Variants in WDFY4 observed in about 807,000 individuals in gnomAD.
WDFY4 encodes WD repeat- and FYVE domain-containing protein 4.
Under a neutral mutation model 351.9 loss-of-function variants are expected in WDFY4, and 169 were observed. The observed-to-expected ratio is 0.48, with a 90% CI of 0.42 to 0.55. WDFY4 has a LOEUF of 0.55. Ranked by LOEUF, WDFY4 falls within the 20% of genes least tolerant of loss-of-function variation. The pLI, the probability that WDFY4 is intolerant of heterozygous loss-of-function variation, is 0.00. For missense variants in WDFY4, 3,803 were observed against 3,935.6 expected (o/e 0.97, Z 0.90); for synonymous variants, 1,622 against 1,574.6 (o/e 1.03, Z -0.71).
intron 5 of WDFY4, 96 bp from the exon 6 acceptor site, chr10:48,725,785 G>A: frequency 8.1e-7 from 1 of 1,228,736 alleles, no homozygotes. Context: ...ACAGAGACAT[G>A]CTCATCAGTG....
intron 39 of WDFY4, among the ~76,000 whole-genome samples, chr10:48,852,323 G>T (rs1482576424): frequency 1.3e-5 from 2 of 152,114 alleles, no homozygotes; most frequent in African/African-American, 4.8e-5. Context: ...ATCCTCACTT[G>T]GCCTCGATAT....
Position 48,743,139 on chromosome 10 carries a change from A to G in WDFY4, c.2050A>G (p.Thr684Ala). Residue 684 changes from threonine (T) to alanine (A), a missense_variant, in exon 12 of 62, where the codon ACT becomes GCT. Thr to Ala is a moderately conservative substitution (Grantham distance 58). Around this residue, in one of 3 missense-constraint regions of WDFY4, gnomAD observed 3,054 missense variants for 3,148.6 expected, o/e 0.97. Transcript: ENST00000325239. ...ACAGACCCTGGAGCTGGTTTTGTAC[A>G]CTCTCTGTGCTGTGTCCGCAGCGCT... is the stretch of plus-strand genomic sequence containing the variant. Reference protein sequence around the residue: ...PRQTLELVLYTLCAVSAALHW... With the variant: ...PRQTLELVLYALCAVSAALHW... 1 of 1,551,034 alleles carries G rather than the reference A, an allele frequency of 6.4e-7. No homozygotes were observed. Among genetic ancestry groups the G allele is most frequent in the Non-Finnish European group, 8.7e-7 (1 of 1,146,858 alleles).
intron 1 of WDFY4, among the ~76,000 whole-genome samples, chr10:48,692,878 C>T (rs529304752): frequency 6.6e-6 from 1 of 152,318 alleles, no homozygotes; most frequent in South Asian, 2.1e-4. Flanking sequence ...CTGTCGCCTG[C>T]TGGTGATGGC....
chr10:48,893,457 C>G lies in WDFY4; in HGVS notation c.7316+2730C>G, dbSNP rs1342447863. Among the ~76,000 whole-genome samples, 9 of 152,222 alleles carry G rather than the reference C, an allele frequency of 5.9e-5. No homozygotes were observed. The South Asian group carries it at 1.9e-3, about 31-fold the overall frequency. On this transcript the variant is annotated intron_variant, in intron 44 of 61. Transcript: ENST00000325239. ...AGAATTTGATTAACTTAGTGGGAAC[C>G]TAAGTCATCCAACAGGCTCTTTGTG...
rs1371078221 is a variant in WDFY4 at position 48,978,332 on chromosome 10, G to A, written c.9315G>A (p.Lys3105=). 2 of 1,551,346 alleles carry A rather than the reference G, an allele frequency of 1.3e-6. No homozygotes were observed. The highest frequency in any genetic ancestry group is 8.7e-7 in the Non-Finnish European group (1 of 1,146,898). ...AGGTTTGGAAGACTGAGGATGTGAA[G>A]ATGTCTGTTCCTGGACGGCCAGCAG... The part of the protein sequence containing the change: ...MVRVWKTEDV[K]MSVPGRPAGE... Residue 3105 remains lysine, a synonymous_variant, in exon 60 of 62, where the codon AAG becomes AAA. Transcript: ENST00000325239.
At chr10:48,902,342 C>T (rs1053097596) in intron 47 of WDFY4, among the ~76,000 whole-genome samples, 3 of 152,076 alleles carry the variant, frequency 2.0e-5, no homozygotes, top group Admixed American at 6.5e-5. Context: ...TGCTTGCAGT[C>T]CCCCCCGCCG....
chr10:48,969,103 G>T lies in WDFY4; in HGVS notation c.8624G>T (p.Gly2875Val), dbSNP rs769484125. 1.9e-6 allele frequency: 3 copies of T among 1,551,736 alleles called. No homozygotes were observed. Among genetic ancestry groups the T allele is most frequent in the Non-Finnish European group, 2.6e-6 (3 of 1,146,962 alleles). ...LFSLGSESPKGAIGHIVSTEK... is the reference protein window; with the variant it reads ...LFSLGSESPKVAIGHIVSTEK... ...TCTCTAGGCTCAGAGTCCCCCAAAGGGGCCATTGGCCACATTGTCTCTACT... is the reference window on the plus strand; with the variant it reads ...TCTCTAGGCTCAGAGTCCCCCAAAGTGGCCATTGGCCACATTGTCTCTACT... The change falls in exon 56 of 62, where the codon GGG becomes GTG. Residue 2875 changes from glycine to valine, a missense_variant. Gly to Val is a moderately radical substitution (Grantham distance 109, BLOSUM62 -3). Coordinates refer to ENST00000325239, the MANE Select transcript of WDFY4 (RefSeq NM_001394531.1).
chr10:48,811,630 C>A lies in WDFY4; in HGVS notation c.5136C>A (p.Val1712=), dbSNP rs182756502. 1,316 of 1,551,956 alleles carry A rather than the reference C, an allele frequency of 8.5e-4. 17 individuals carry two copies. In the African/African-American group the frequency reaches 0.016, roughly 19 times the overall value. The part of the protein sequence containing the change: ...RVLNDFLAHH[V]HIPEVYLIVS... Reference sequence around the variant, plus strand: ...TGAATGACTTTCTGGCCCACCACGTCCACATTCCAGAGGTCTACCTCATCG... The same window carrying A: ...TGAATGACTTTCTGGCCCACCACGTACACATTCCAGAGGTCTACCTCATCG... Residue 1712 remains valine (V), a synonymous_variant, in exon 30 of 62, where the codon GTC becomes GTA. Transcript: ENST00000325239.
At chr10:48,846,967 G>A (rs995262288) in intron 39 of WDFY4, among the ~76,000 whole-genome samples, 1 of 152,220 alleles carries the variant, frequency 6.6e-6, no homozygotes, top group African/African-American at 2.4e-5. Flanking sequence ...TTTGAAATCT[G>A]TCAGTTTTGG....
Position 48,832,815 on chromosome 10 carries a change from C to T in WDFY4, c.6663+106C>T, listed in dbSNP as rs965877925. On this transcript the variant is annotated intron_variant, in intron 39 of 61. Coordinates refer to ENST00000325239, the MANE Select transcript of WDFY4 (RefSeq NM_001394531.1). ...TGTTACTAGACATGATCTAACTCCA[C>T]GTCCTTGTGAGCATTTGAGGGTATG... 9.6e-6 allele frequency: 13 copies of T among 1,359,634 alleles called. No homozygotes were observed. In the East Asian group the frequency reaches 3.0e-4, roughly 31 times the overall value. 84.2% of individuals were successfully genotyped at this position (1,359,634 alleles called of 1,614,324 possible). A position where few individuals can be genotyped will look rare whatever the true frequency, so the allele number is the denominator to read the frequency against.
chr10:48,852,668 C>T (rs75860568), intron 39 of WDFY4, among the ~76,000 whole-genome samples: 14 of 152,224 alleles, frequency 9.2e-5, no homozygotes, highest in East Asian at 3.9e-4. Flanking sequence ...TCTCACTCTC[C>T]GTGCACCAGC....
chr10:48,923,506 A>ATATATGTATGTATG lies in WDFY4; in HGVS notation c.7587-18295_7587-18294insGTATGTATGTATAT, dbSNP rs1554812693. Among the ~76,000 whole-genome samples the ATATATGTATGTATG allele has an allele frequency of 4.3e-5, 5 of 115,116 alleles. 1 individual carries two copies. Among genetic ancestry groups the ATATATGTATGTATG allele is most frequent in the Admixed American group, 3.1e-4 (3 of 9,726 alleles). The allele number at this position is 115,116 out of a possible 152,430, so 75.5% of individuals were successfully genotyped here. A position where few individuals can be genotyped will look rare whatever the true frequency, so the allele number is the denominator to read the frequency against. On this transcript the variant is annotated intron_variant, in intron 47 of 61. Transcript: ENST00000325239. ...AACAAATAGTTTTTAGTATATATATATATATATGTCCCAAATACCGCATAG... is the reference window on the plus strand; with the variant it reads ...AACAAATAGTTTTTAGTATATATATATATATGTATGTATGTATATATGTCCCAAATACCGCATAG...
At chr10:48,837,932 T>C (rs780596011) in intron 39 of WDFY4, among the ~76,000 whole-genome samples, 18 of 152,112 alleles carry the variant, frequency 1.2e-4, no homozygotes, top group African/African-American at 2.9e-4. Context: ...CCAGCAAAGA[T>C]TGGGGGACTT....
chr10:48,865,053 C>A (rs548651788), intron 39 of WDFY4, among the ~76,000 whole-genome samples: 2 of 152,180 alleles, frequency 1.3e-5, no homozygotes, highest in East Asian at 1.9e-4. Flanking sequence ...CCTTTTATTT[C>A]TTTTTCTTGT....
At chr10:48,830,925 G>T in intron 38 of WDFY4, 40 bp downstream of exon 38, 1 of 1,530,408 alleles carries the variant, frequency 6.5e-7, no homozygotes, top group Non-Finnish European at 8.8e-7. Flanking sequence ...GAACTCCTGG[G>T]TCTCACAGAG....
rs1200165861 is a variant in WDFY4, at chr10:48,774,688, T to C, written c.2768+16T>C. On this transcript the variant is annotated intron_variant, in intron 14 of 61. Transcript: ENST00000325239. ...ATGTGCTAAGGTACCACATGCTGCA[T>C]ATTCAGTGCCGCCAAGCTGGGCAGC... 54 of 1,551,484 alleles carry C rather than the reference T, an allele frequency of 3.5e-5. No homozygotes were observed. Among genetic ancestry groups the C allele is most frequent in the Non-Finnish European group, 3.9e-5 (45 of 1,146,848 alleles).
At chr10:48,756,590 A>T (rs2065344615) in intron 12 of WDFY4, among the ~76,000 whole-genome samples, 1 of 152,062 alleles carries the variant, frequency 6.6e-6, no homozygotes. Flanking sequence ...ATATAACATC[A>T]GCTATGGGAA....
intron 2 of WDFY4, 32 bp from the exon 3 acceptor site, chr10:48,719,979 T>TATC: frequency 6.5e-7 from 1 of 1,543,610 alleles, no homozygotes; most frequent in Non-Finnish European, 8.8e-7. Flanking sequence ...GTGGCATTGC[T>TATC]ATCTCTGACC....
At chr10:48,969,536 A>G (rs1842243946) in intron 56 of WDFY4, among the ~76,000 whole-genome samples, 1 of 152,144 alleles carries the variant, frequency 6.6e-6, no homozygotes, top group Non-Finnish European at 1.5e-5. Flanking sequence ...CACTGGCACT[A>G]AGTGTAGGAG....
Sources: allele counts gnomAD v4.1 joint callset (sites outside exome capture counted in the v4.1 genomes callset), GRCh38; gene constraint gnomAD v4.1.1; regional missense constraint gnomAD v4.1.1; transcripts MANE v1.5; gene names NCBI Gene and HGNC (gene_info 2026-07-23, HGNC 2026-07-21).